Variants in DPH6 observed in about 807,000 individuals in gnomAD.
The protein encoded by DPH6 is diphthine--ammonia ligase.
Under a neutral mutation model 38.2 loss-of-function variants are expected in DPH6, and 33 were observed. The ratio of observed to expected loss-of-function variants is 0.86; its 90% confidence interval spans 0.65 to 1.15. The LOEUF (loss-of-function observed/expected upper bound fraction) is 1.15. Among genes scored for constraint, DPH6 ranks in the 50% most tolerant of loss-of-function variants. The pLI is 0.00. For missense variants in DPH6, 325 were observed against 320.0 expected (o/e 1.02, Z -0.12); for synonymous variants, 108 against 103.0 (o/e 1.05, Z -0.30).
intron 3 of DPH6, among the ~76,000 whole-genome samples, chr15:35,494,319 C>T (rs1052862432): frequency 6.6e-6 from 1 of 152,074 alleles, no homozygotes; most frequent in African/African-American, 2.4e-5. Context: ...TTTGTATAAT[C>T]CACAGTTTAA....
chr15:35,394,329 A>C (rs528889405), intron 6 of DPH6, among the ~76,000 whole-genome samples: 14 of 152,342 alleles, frequency 9.2e-5, no homozygotes, highest in Non-Finnish European at 1.8e-4. Flanking sequence ...AAAAAAGAGC[A>C]CAGGCTTGAA....
At chr15:35,200,104 T>C in the DPH6 span, among the ~76,000 whole-genome samples, 1 of 152,022 alleles carries the variant, frequency 6.6e-6, no homozygotes, top group African/African-American at 2.4e-5. Flanking sequence ...CAAAAGAAAT[T>C]GGCTTGGGTT....
At position 35,235,529 on chromosome 15, in the gene DPH6, T is replaced by C. The variant is rs545336527; in HGVS notation, n.201-14947A>G. 6.6e-5 allele frequency among the ~76,000 whole-genome samples: 10 copies of C among 152,354 alleles called. 1 individual carries two copies. Among genetic ancestry groups the C allele is most frequent in the African/African-American group, 2.4e-4 (10 of 41,580 alleles). ...ACCTCTGAATTTCACTAGTGGATAT[T>C]GTACTTTCAAAAAATGCAATTATGA... is the stretch of plus-strand genomic sequence containing the variant. On this transcript the variant is annotated intron_variant and non_coding_transcript_variant, in intron 3 of 3. Coordinates refer to the DPH6 transcript ENST00000560386.
At chr15:35,187,761 G>A in the DPH6 span, among the ~76,000 whole-genome samples, 1 of 152,008 alleles carries the variant, frequency 6.6e-6, no homozygotes, top group Admixed American at 6.6e-5. Context: ...TGAGGTGGGA[G>A]GATTGATTGA....
At chr15:35,269,470 A>T (rs1463740670) in intron 3 of DPH6, among the ~76,000 whole-genome samples, 1 of 151,934 alleles carries the variant, frequency 6.6e-6, no homozygotes, top group African/African-American at 2.4e-5. Context: ...TTTTATTTTT[A>T]ATTTTTTTAT....
intron 3 of DPH6, among the ~76,000 whole-genome samples, chr15:35,533,409 A>G (rs760385079): frequency 5.3e-5 from 8 of 152,172 alleles, no homozygotes; most frequent in Non-Finnish European, 1.0e-4. Flanking sequence ...CCTTTAAGCT[A>G]TTAAAATGAA....
chr15:35,516,101 A>G (rs1011634405), intron 3 of DPH6, among the ~76,000 whole-genome samples: 5 of 152,206 alleles, frequency 3.3e-5, no homozygotes, highest in Admixed American at 3.3e-4. Flanking sequence ...CTTTGAGATC[A>G]TATTCATCAC....
chr15:35,504,815 A>AGATC (rs1179022676), intron 3 of DPH6, among the ~76,000 whole-genome samples: 1 of 152,158 alleles, frequency 6.6e-6, no homozygotes, highest in Admixed American at 6.6e-5. Flanking sequence ...GTACAAGTAT[A>AGATC]GATCCTCTTT....
intron 2 of DPH6, among the ~76,000 whole-genome samples, chr15:35,540,975 G>T (rs924403437): frequency 7.9e-5 from 12 of 152,000 alleles, no homozygotes; most frequent in Non-Finnish European, 1.5e-4. Context: ...TCTCTCTTTT[G>T]GTAAACCTAA....
the DPH6 span, among the ~76,000 whole-genome samples, chr15:35,174,470 A>T: frequency 6.6e-6 from 1 of 152,184 alleles, no homozygotes; most frequent in Non-Finnish European, 1.5e-5. Flanking sequence ...AAAAATCAGT[A>T]TCAGTGATGG....
intron 7 of DPH6, among the ~76,000 whole-genome samples, chr15:35,375,280 TGAA>T (rs1266655978): frequency 1.3e-5 from 2 of 152,102 alleles, no homozygotes; most frequent in East Asian, 1.9e-4. Context: ...GAGCACTAAA[TGAA>T]GAAGACTCCA....
chr15:35,295,100 G>C (rs896301561), intron 3 of DPH6, among the ~76,000 whole-genome samples: 1 of 152,132 alleles, frequency 6.6e-6, no homozygotes, highest in Admixed American at 6.5e-5. Context: ...CTACGAACTA[G>C]CTAAGAAACC....
chr15:35,150,010 G>A, the DPH6 span, among the ~76,000 whole-genome samples: 2 of 151,408 alleles, frequency 1.3e-5, no homozygotes, highest in South Asian at 4.1e-4. Flanking sequence ...CTGCTCCATG[G>A]CCCACACATC....
At chr15:35,429,807 G>GA (rs1224234629) in intron 5 of DPH6, among the ~76,000 whole-genome samples, 1 of 152,030 alleles carries the variant, frequency 6.6e-6, no homozygotes, top group African/African-American at 2.4e-5. Flanking sequence ...TATCTGTAAT[G>GA]AAAAAATCTG....
At chr15:35,473,957 T>TGTGTGCGC (rs1480867662) in intron 3 of DPH6, among the ~76,000 whole-genome samples, 42 of 38,534 alleles carry the variant, frequency 1.1e-3, no homozygotes, top group East Asian at 3.3e-3. Flanking sequence ...TGTGTGTGTG[T>TGTGTGCGC]GCGCGCGCGC....
chr15:35,341,908 T>C lies in DPH6; in HGVS notation n.208-10831A>G, dbSNP rs530081518. 9.2e-5 allele frequency among the ~76,000 whole-genome samples: 14 copies of C among 152,170 alleles called. No homozygotes were observed. The East Asian group carries it at 2.7e-3, about 29-fold the overall frequency. On this transcript the variant is annotated intron_variant and non_coding_transcript_variant, in intron 3 of 3. Transcript: ENST00000558973. ...TTTTGGCAGAGCAGGTGTGCTGCAC[T>C]GGGGGGCACCCTTCCTCATCTGGAC...
chr15:35,172,148 G>A, the DPH6 span, among the ~76,000 whole-genome samples: 3 of 152,188 alleles, frequency 2.0e-5, no homozygotes, highest in Non-Finnish European at 2.9e-5. Context: ...TTACAGGCAT[G>A]AGCCACCACG....
intron 3 of DPH6, among the ~76,000 whole-genome samples, chr15:35,518,543 T>A (rs1024762752): frequency 6.6e-6 from 1 of 152,028 alleles, no homozygotes; most frequent in African/African-American, 2.4e-5. Context: ...AAATACTGGT[T>A]TGTGGGTAAA....
At position 35,437,399 on chromosome 15, in the gene DPH6, GGGAGAA is replaced by G. The variant is rs547200148; in HGVS notation, c.505+13280_505+13285del. Among the ~76,000 whole-genome samples the G allele has an allele frequency of 4.9e-3, 748 of 152,268 alleles. 7 individuals are homozygous for G. Among genetic ancestry groups the G allele is most frequent in the African/African-American group, 0.017 (705 of 41,544 alleles). On this transcript the variant is annotated intron_variant, in intron 5 of 8. Coordinates refer to ENST00000256538, the MANE Select transcript of DPH6 (RefSeq NM_080650.4). Reference sequence around the variant, plus strand: ...TCCTCTTGGATGTATGCTCCAAACTGGGAGAAGTTAATTTCCCAAACCTTAAACTGG... The same window carrying G: ...TCCTCTTGGATGTATGCTCCAAACTGGTTAATTTCCCAAACCTTAAACTGG...
Sources: gnomAD v4.1 joint callset for allele counts (sites outside exome capture counted in the v4.1 genomes callset) on GRCh38, gnomAD v4.1.1 for gene constraint, MANE v1.5 for transcripts, NCBI Gene and HGNC (gene_info 2026-07-23, HGNC 2026-07-21) for gene names.